The following UBE2Q2 variants were observed in gnomAD, a reference collection of about 807,000 sequenced individuals.
The protein encoded by UBE2Q2 is ubiquitin-conjugating enzyme E2 Q2.
In UBE2Q2, 54 loss-of-function variants were observed where a neutral mutation model predicts 59.9. The ratio of observed to expected loss-of-function variants is 0.90; its 90% confidence interval spans 0.72 to 1.13. The LOEUF (loss-of-function observed/expected upper bound fraction) is 1.13, where lower values mean the gene tolerates loss of function less well. Among genes scored for constraint, UBE2Q2 ranks in the 50% most tolerant of loss-of-function variants. UBE2Q2 has a pLI of 0.00. For missense variants in UBE2Q2, 433 were observed against 441.9 expected, an observed-to-expected ratio of 0.98 and a Z score of 0.18; for synonymous variants, 165 against 155.2, an observed-to-expected ratio of 1.06 and a Z score of -0.47.
At chr15:75,880,805 T>TG (rs758201253) in intron 8 of UBE2Q2, among the ~76,000 whole-genome samples, 56 of 152,184 alleles carry the variant, frequency 3.7e-4, no homozygotes, top group Non-Finnish European at 7.2e-4. Context: ...CTGGATGAGA[T>TG]GTAATGGTTT....
intron 8 of UBE2Q2, among the ~76,000 whole-genome samples, chr15:75,879,709 T>C (rs562931367): frequency 5.9e-5 from 9 of 152,122 alleles, no homozygotes; most frequent in Non-Finnish European, 1.0e-4. Flanking sequence ...TAAACAGATA[T>C]ACGATTTATC....
Position 75,900,875 on chromosome 15 carries a change from C to G in UBE2Q2, c.*1417C>G, listed in dbSNP as rs901518084. ...AAGTTCCTTAAGCCTAAGGCTAAATCTTGAATACATTGTTGAATTCTTTAA... is the reference window on the plus strand; with the variant it reads ...AAGTTCCTTAAGCCTAAGGCTAAATGTTGAATACATTGTTGAATTCTTTAA... On this transcript the variant is annotated 3_prime_UTR_variant, in exon 13 of 13. Coordinates refer to ENST00000267938, the MANE Select transcript of UBE2Q2 (RefSeq NM_173469.4). 1 of 152,606 alleles carries G rather than the reference C, an allele frequency of 6.6e-6. No individual in the cohort carries two copies. The highest frequency in any genetic ancestry group is 1.5e-5 in the Non-Finnish European group (1 of 68,046). The allele number at this position is 152,606 out of a possible 1,614,324, so 9.5% of individuals were successfully genotyped here.
At chr15:75,850,893 A>C (rs756490854) in intron 1 of UBE2Q2, among the ~76,000 whole-genome samples, 45 of 152,232 alleles carry the variant, frequency 3.0e-4, no homozygotes, top group African/African-American at 1.1e-3. Flanking sequence ...AAAACTCATC[A>C]CATATTATTA....
intron 9 of UBE2Q2, among the ~76,000 whole-genome samples, chr15:75,887,795 T>A (rs756181629): frequency 6.6e-6 from 1 of 152,156 alleles, no homozygotes; most frequent in Non-Finnish European, 1.5e-5. Flanking sequence ...GAACCTACAT[T>A]GGTTTGGTAG....
At chr15:75,845,814 G>A (rs1896315356) in intron 1 of UBE2Q2, among the ~76,000 whole-genome samples, 1 of 152,110 alleles carries the variant, frequency 6.6e-6, no homozygotes, top group Admixed American at 6.6e-5. Context: ...ATTGAAGGCT[G>A]GTAAGAGTCT....
Position 75,879,169 on chromosome 15 carries a change from T to A in UBE2Q2, c.806T>A (p.Leu269Ter). Residue 269 changes from leucine to a stop codon, truncating the protein, a stop_gained, in exon 8 of 13, where the codon TTG becomes TAG. Transcript: ENST00000267938. LOFTEE classifies it high-confidence loss of function. The stretch of plus-strand genomic sequence containing the variant: ...GAAAAAGAAGGCATAGAATATATTT[T>A]GCTTAACTTCTCTTTTAAGGTAAGA... Reference protein sequence around the residue: ...LKEKEGIEYILLNFSFKDNFP... With the variant: ...LKEKEGIEYI The A allele has an allele frequency of 6.3e-7, 1 of 1,597,974 alleles. No homozygotes were observed. The highest frequency in any genetic ancestry group is 8.5e-7 in the Non-Finnish European group (1 of 1,172,088).
At position 75,855,165 on chromosome 15, in the gene UBE2Q2, G is replaced by A. The variant is rs75083913; in HGVS notation, c.282+678G>A. ...TTATACATGTGTTTAAATAGTTGAG[G>A]TCATGGTCTATATAGTTTTACATCA... On this transcript the variant is annotated intron_variant, in intron 2 of 12. Transcript: ENST00000267938. 9.1e-3 allele frequency among the ~76,000 whole-genome samples: 1,380 copies of A among 152,154 alleles called. 20 individuals are homozygous for A. Among genetic ancestry groups the A allele is most frequent in the African/African-American group, 0.031 (1,302 of 41,526 alleles).
chr15:75,868,180 T>A (rs969306603), intron 3 of UBE2Q2, among the ~76,000 whole-genome samples: 11 of 152,192 alleles, frequency 7.2e-5, no homozygotes, highest in Non-Finnish European at 1.5e-4. Flanking sequence ...GGATCCTGGT[T>A]TCGTGATCTT....
Position 75,843,621 on chromosome 15 carries a change from C to G in UBE2Q2, c.-46C>G, listed in dbSNP as rs552089197. 6.6e-7 allele frequency: 1 copy of G among 1,525,148 alleles called. No homozygotes were observed. The highest frequency in any genetic ancestry group is 1.2e-5 in the South Asian group (1 of 82,494). 94.5% of individuals were successfully genotyped at this position (1,525,148 alleles called of 1,614,324 possible). ...GGCTCCGGGCCCGGCTCCCCTTCCGCGCCCGGCTCCCCTTCCGCGCCCCTC... is the reference window on the plus strand; with the variant it reads ...GGCTCCGGGCCCGGCTCCCCTTCCGGGCCCGGCTCCCCTTCCGCGCCCCTC... On this transcript the variant is annotated 5_prime_UTR_variant, in exon 1 of 13. Transcript: ENST00000267938.
At chr15:75,851,256 A>AT (rs1379553190) in intron 1 of UBE2Q2, among the ~76,000 whole-genome samples, 1 of 151,496 alleles carries the variant, frequency 6.6e-6, no homozygotes, top group East Asian at 1.9e-4. Context: ...TTACTGGCTA[A>AT]TTTTTTGTAT....
At chr15:75,892,018 C>T (rs1899137098) in intron 11 of UBE2Q2, among the ~76,000 whole-genome samples, 1 of 152,170 alleles carries the variant, frequency 6.6e-6, no homozygotes, top group Admixed American at 6.5e-5. Flanking sequence ...CCACAGAATC[C>T]CCTAGACTGT....
At chr15:75,881,215 C>T (rs767391110) in intron 8 of UBE2Q2, among the ~76,000 whole-genome samples, 7 of 151,920 alleles carry the variant, frequency 4.6e-5, no homozygotes, top group Non-Finnish European at 1.0e-4. Context: ...ATGCCTAACA[C>T]CAAACTTAAG....
chr15:75,888,492 A>G (rs1279951337), intron 9 of UBE2Q2, among the ~76,000 whole-genome samples: 1 of 152,184 alleles, frequency 6.6e-6, no homozygotes. Context: ...GTGTCCATAT[A>G]TATGGCATGT....
chr15:75,867,896 T>C (rs1897587492), intron 3 of UBE2Q2, among the ~76,000 whole-genome samples: 2 of 152,006 alleles, frequency 1.3e-5, no homozygotes, highest in Non-Finnish European at 2.9e-5. Flanking sequence ...TTTAGGGAAA[T>C]GAAAAAAGGG....
At chr15:75,890,310 G>C in intron 9 of UBE2Q2, 125 bp from the exon 10 acceptor site, 1 of 681,330 alleles carries the variant, frequency 1.5e-6, no homozygotes, top group Middle Eastern at 4.2e-4. Context: ...AACAACTGTT[G>C]TCATGTTTGC....
chr15:75,869,130 T>A, intron 4 of UBE2Q2, 120 bp downstream of exon 4: 1 of 824,528 alleles, frequency 1.2e-6, no homozygotes, highest in Non-Finnish European at 1.9e-6. Context: ...ACATTGTGTT[T>A]GGAATGGAAT....
intron 1 of UBE2Q2, among the ~76,000 whole-genome samples, chr15:75,846,596 G>C (rs1896362317): frequency 6.6e-6 from 1 of 152,160 alleles, no homozygotes; most frequent in South Asian, 2.1e-4. Flanking sequence ...TTGCTTAGAA[G>C]GGAAAGATCA....
At chr15:75,868,652 A>C (rs1475983321) in intron 3 of UBE2Q2, among the ~76,000 whole-genome samples, 1 of 152,114 alleles carries the variant, frequency 6.6e-6, no homozygotes, top group African/African-American at 2.4e-5. Flanking sequence ...ATGTTTTCTT[A>C]TTTTAAATTA....
At chr15:75,871,054 G>A (rs920317796) in intron 4 of UBE2Q2, among the ~76,000 whole-genome samples, 2 of 152,218 alleles carry the variant, frequency 1.3e-5, no homozygotes, top group Non-Finnish European at 2.9e-5. Context: ...GTTTCTCCGA[G>A]AGGGGGATGT....
Sources: gnomAD v4.1 joint callset for allele counts (sites outside exome capture counted in the v4.1 genomes callset) on GRCh38, gnomAD v4.1.1 for gene constraint, MANE v1.5 for transcripts, NCBI Gene and HGNC (gene_info 2026-07-23, HGNC 2026-07-21) for gene names.